FMNL2: variants seen among roughly 807,000 people sequenced by gnomAD.
FMNL2 encodes formin like 2.
FMNL2 carries 51 observed loss-of-function variants against 130.2 expected under a neutral mutation model. The ratio of observed to expected loss-of-function variants is 0.39; its 90% CI spans 0.31 to 0.49. The LOEUF is 0.49. Among genes scored for constraint, FMNL2 ranks in the 20% least tolerant of loss-of-function variants. The pLI, the probability that FMNL2 is intolerant of heterozygous loss-of-function variation, is 0.85. For synonymous variants in FMNL2, 465 were observed against 467.1 expected, an observed-to-expected ratio of 1.00 and a Z score of 0.06; for missense variants, 977 against 1,316.2, an observed-to-expected ratio of 0.74 and a Z score of 3.99.
At position 152,402,346 on chromosome 2, in the gene FMNL2, C is replaced by T. The variant is rs1685752742; in HGVS notation, c.117+66626C>T. 3.3e-5 allele frequency among the ~76,000 whole-genome samples: 5 copies of T among 152,210 alleles called. No homozygotes were observed. The South Asian group carries it at 1.0e-3, about 32-fold the overall frequency. On this transcript the variant is annotated intron_variant, in intron 1 of 25. Coordinates refer to ENST00000288670, the MANE Select transcript of FMNL2 (RefSeq NM_052905.4). ...GCATGAAGTATCTTTCCTTAGCAGG[C>T]CAGGCACATTCCCTGCTGTTTTTGG... is the stretch of plus-strand genomic sequence containing the variant.
chr2:152,648,908 C>T lies in FMNL2; in HGVS notation c.*1003C>T, dbSNP rs1055495853. 1 of 152,512 alleles carries T rather than the reference C, an allele frequency of 6.6e-6. No individual in the cohort carries two copies. Among genetic ancestry groups the T allele is most frequent in the African/African-American group, 2.4e-5 (1 of 41,420 alleles). 9.4% of individuals were successfully genotyped at this position (152,512 alleles called of 1,614,324 possible). ...TTATGGAGAATTGCAGTTTAAGTTG[C>T]TGAAAAGTATTAACATGGTATTAAG... On this transcript the variant is annotated 3_prime_UTR_variant, in exon 26 of 26. Coordinates refer to ENST00000288670, the MANE Select transcript of FMNL2 (RefSeq NM_052905.4).
chr2:152,611,370 C>T (rs1375134761), intron 10 of FMNL2, 125 bp from the exon 11 acceptor site: 1 of 576,158 alleles, frequency 1.7e-6, no homozygotes, highest in East Asian at 2.9e-5. Context: ...TTTTAAAGAA[C>T]CAATGAAATG....
chr2:152,573,314 G>C (rs557648046), intron 6 of FMNL2, among the ~76,000 whole-genome samples: 1 of 152,318 alleles, frequency 6.6e-6, no homozygotes, highest in South Asian at 2.1e-4. Flanking sequence ...AATGCTGCCA[G>C]GATGACAGGA....
intron 1 of FMNL2, among the ~76,000 whole-genome samples, chr2:152,416,552 A>G (rs1686627910): frequency 6.6e-6 from 1 of 152,194 alleles, no homozygotes; most frequent in African/African-American, 2.4e-5. Context: ...GAAGTAAAAG[A>G]CCAAAGCTAG....
At chr2:152,527,786 A>T (rs944696669) in intron 2 of FMNL2, among the ~76,000 whole-genome samples, 1 of 152,152 alleles carries the variant, frequency 6.6e-6, no homozygotes, top group Non-Finnish European at 1.5e-5. Context: ...TCCTTTTCAC[A>T]TGACCCTCTT....
chr2:152,347,515 T>C (rs563064831), intron 1 of FMNL2, among the ~76,000 whole-genome samples: 17 of 152,320 alleles, frequency 1.1e-4, no homozygotes, highest in African/African-American at 4.1e-4. Context: ...TGATTTGTGT[T>C]CCCAAAGTAA....
In FMNL2 at chr2:152,570,531, A is replaced by G. The variant is rs73969129; in HGVS notation, c.597-4605A>G. Among the ~76,000 whole-genome samples the G allele has an allele frequency of 2.3e-3, 352 of 152,302 alleles. 4 individuals are homozygous for G. Among genetic ancestry groups the G allele is most frequent in the African/African-American group, 8.1e-3 (336 of 41,564 alleles). ...TGTGTACAAGCATCCAGGGCCCCAA[A>G]GGCTCTTCTTGCCAGCCTGGGAGAA... On this transcript the variant is annotated intron_variant, in intron 6 of 25. Coordinates refer to ENST00000288670, the MANE Select transcript of FMNL2 (RefSeq NM_052905.4).
intron 1 of FMNL2, among the ~76,000 whole-genome samples, chr2:152,429,664 T>C (rs928742675): frequency 8.5e-5 from 13 of 152,146 alleles, no homozygotes; most frequent in African/African-American, 3.1e-4. Flanking sequence ...ATCTTCAATT[T>C]GTCTTCAATT....
intron 1 of FMNL2, among the ~76,000 whole-genome samples, chr2:152,336,561 TC>T (rs935758943): frequency 6.6e-6 from 1 of 152,050 alleles, no homozygotes; most frequent in African/African-American, 2.4e-5. Flanking sequence ...CTCTGAAAAC[TC>T]CCCTCTTTCT....
chr2:152,534,426 C>T (rs1693873828), intron 2 of FMNL2, among the ~76,000 whole-genome samples: 1 of 152,080 alleles, frequency 6.6e-6, no homozygotes, highest in South Asian at 2.1e-4. Context: ...TCAGATAAGC[C>T]AATTAATTTA....
Position 152,478,322 on chromosome 2 carries a change from C to A in FMNL2, c.118-43621C>A, listed in dbSNP as rs1159702329. On this transcript the variant is annotated intron_variant, in intron 1 of 25. Transcript: ENST00000288670. ...CTGGAGTACAGTGGCATGATCTTGGCTCACTCCCGGGTTCAAGTGATTCTC... is the reference window on the plus strand; with the variant it reads ...CTGGAGTACAGTGGCATGATCTTGGATCACTCCCGGGTTCAAGTGATTCTC... Among the ~76,000 whole-genome samples the A allele has an allele frequency of 2.1e-5, 3 of 141,278 alleles. No homozygotes were observed. The East Asian group carries it at 6.1e-4, about 29-fold the overall frequency. The allele number at this position is 141,278 out of a possible 152,430, so 92.7% of individuals were successfully genotyped here. A position where few individuals can be genotyped will look rare whatever the true frequency, so the allele number is the denominator to read the frequency against.
chr2:152,636,697 G>A, intron 22 of FMNL2, 107 bp downstream of exon 22: 1 of 1,304,338 alleles, frequency 7.7e-7, no homozygotes. Context: ...CTCTGTTTGT[G>A]GAGGGTAGCT....
intron 1 of FMNL2, among the ~76,000 whole-genome samples, chr2:152,486,633 C>T (rs184044428): frequency 3.7e-4 from 56 of 152,198 alleles, no homozygotes; most frequent in East Asian, 1.2e-3. Context: ...TGAGTTAGTC[C>T]GTAACAGTGC....
At chr2:152,338,046 G>A (rs1681581617) in intron 1 of FMNL2, among the ~76,000 whole-genome samples, 1 of 149,016 alleles carries the variant, frequency 6.7e-6, no homozygotes, top group Admixed American at 6.7e-5. Context: ...CTGGAGTTGT[G>A]TGTGTGATAA....
intron 1 of FMNL2, among the ~76,000 whole-genome samples, chr2:152,452,390 C>T (rs779860320): frequency 9.2e-5 from 14 of 152,144 alleles, no homozygotes; most frequent in Admixed American, 1.3e-4. Flanking sequence ...TTTTCTCACA[C>T]GAGTTTTGGT....
intron 23 of FMNL2, among the ~76,000 whole-genome samples, chr2:152,638,126 C>G (rs1682775694): frequency 6.6e-6 from 1 of 152,188 alleles, no homozygotes; most frequent in South Asian, 2.1e-4. Flanking sequence ...CAGCATTTCT[C>G]TAGTATGGAC....
chr2:152,555,070 G>C (rs919487334), intron 4 of FMNL2, among the ~76,000 whole-genome samples: 2 of 152,186 alleles, frequency 1.3e-5, no homozygotes, highest in Non-Finnish European at 2.9e-5. Context: ...TGCACGGAGT[G>C]ACAAATACAA....
chr2:152,527,823 T>C (rs1693471661), intron 2 of FMNL2, among the ~76,000 whole-genome samples: 2 of 152,202 alleles, frequency 1.3e-5, no homozygotes, highest in African/African-American at 4.8e-5. Context: ...TTTTATGGTA[T>C]GAAACATATC....
chr2:152,422,350 C>G (rs1334461433), intron 1 of FMNL2, among the ~76,000 whole-genome samples: 1 of 152,124 alleles, frequency 6.6e-6, no homozygotes, highest in African/African-American at 2.4e-5. Flanking sequence ...CATTGTCATG[C>G]TGTTGCCTGA....
Sources: allele counts gnomAD v4.1 joint callset (sites outside exome capture counted in the v4.1 genomes callset), GRCh38; gene constraint gnomAD v4.1.1; transcripts MANE v1.5; gene names NCBI Gene and HGNC (gene_info 2026-07-23, HGNC 2026-07-21).